The following NTM variants were observed in gnomAD, a reference collection of about 807,000 sequenced individuals.
NTM encodes neurotrimin.
NTM carries 13 observed loss-of-function variants against 42.1 expected under a neutral mutation model. The observed-to-expected ratio is 0.31, with a 90% CI of 0.20 to 0.49. The LOEUF (loss-of-function observed/expected upper bound fraction) is 0.49. Among genes scored for constraint, NTM ranks in the 20% least tolerant of loss-of-function variants. NTM has a pLI of 0.99. For synonymous variants in NTM, 187 were observed against 179.2 expected (o/e 1.04, Z -0.35); for missense variants, 373 against 452.8 (o/e 0.82, Z 1.60).
At chr11:131,480,020 T>C (rs1023320671) in intron 1 of NTM, among the ~76,000 whole-genome samples, 4 of 152,228 alleles carry the variant, frequency 2.6e-5, no homozygotes, top group Admixed American at 2.6e-4. Context: ...GACCTGGTAC[T>C]CTACTGATCC....
At chr11:132,220,256 T>C (rs1592308217) in intron 4 of NTM, among the ~76,000 whole-genome samples, 1 of 152,106 alleles carries the variant, frequency 6.6e-6, no homozygotes, top group East Asian at 1.9e-4. Context: ...GTCCAGGAAC[T>C]CCTTACATAA....
chr11:131,867,204 G>C (rs1168049313), intron 1 of NTM, among the ~76,000 whole-genome samples: 12 of 152,226 alleles, frequency 7.9e-5, no homozygotes, highest in Non-Finnish European at 1.8e-4. Context: ...GAAAGAATGT[G>C]GTCCCACTTA....
At chr11:132,058,799 C>T (rs552026291) in intron 2 of NTM, among the ~76,000 whole-genome samples, 1 of 152,170 alleles carries the variant, frequency 6.6e-6, no homozygotes, top group African/African-American at 2.4e-5. Context: ...GGGCCTGAAT[C>T]CTCTTGTTTG....
At chr11:131,932,807 A>G (rs1041854070) in intron 2 of NTM, among the ~76,000 whole-genome samples, 9 of 152,328 alleles carry the variant, frequency 5.9e-5, no homozygotes, top group African/African-American at 2.2e-4. Context: ...GCTGGTTGGA[A>G]CAGCCGATCC....
At chr11:132,246,607 G>T (rs542401229) in intron 4 of NTM, among the ~76,000 whole-genome samples, 184 of 152,310 alleles carry the variant, frequency 1.2e-3, no homozygotes, top group Admixed American at 2.5e-3. Flanking sequence ...ATAATTTTGT[G>T]TTTCTGAAAC....
At chr11:132,135,166 T>A (rs2067653397) in intron 2 of NTM, among the ~76,000 whole-genome samples, 1 of 152,096 alleles carries the variant, frequency 6.6e-6, no homozygotes, top group Non-Finnish European at 1.5e-5. Flanking sequence ...CAAGGTCTCT[T>A]AGGCCAGGGC....
intron 4 of NTM, among the ~76,000 whole-genome samples, chr11:132,249,058 T>C (rs963675097): frequency 2.0e-5 from 3 of 152,192 alleles, no homozygotes; most frequent in African/African-American, 7.2e-5. Flanking sequence ...ACACTTCCTG[T>C]CTCTGTGACA....
chr11:131,373,240 G>T (rs1317547974), intron 1 of NTM, among the ~76,000 whole-genome samples: 1 of 152,184 alleles, frequency 6.6e-6, no homozygotes, highest in Non-Finnish European at 1.5e-5. Flanking sequence ...CCCAGGTCTT[G>T]CCTGCAATAA....
intron 2 of NTM, among the ~76,000 whole-genome samples, chr11:132,024,658 A>G (rs899458963): frequency 1.3e-5 from 2 of 152,176 alleles, no homozygotes; most frequent in African/African-American, 4.8e-5. Context: ...GGGATAAAGT[A>G]CACCTCAGAT....
intron 2 of NTM, among the ~76,000 whole-genome samples, chr11:132,112,195 G>T (rs1194302346): frequency 1.5e-5 from 2 of 134,850 alleles, no homozygotes; most frequent in Non-Finnish European, 3.2e-5. Context: ...GTGTTATGCA[G>T]ATTGGAGCAT....
intron 1 of NTM, among the ~76,000 whole-genome samples, chr11:131,550,527 C>G (rs1428667742): frequency 1.3e-5 from 2 of 152,080 alleles, no homozygotes; most frequent in African/African-American, 4.8e-5. Context: ...CTCTCTCTTC[C>G]TCCTGCTCTG....
chr11:131,982,730 T>C (rs2065449103), intron 2 of NTM, among the ~76,000 whole-genome samples: 1 of 152,240 alleles, frequency 6.6e-6, no homozygotes, highest in Non-Finnish European at 1.5e-5. Context: ...CATAAAGGAC[T>C]CAGGCTGTGG....
At chr11:131,475,207 T>C (rs1018546065) in intron 1 of NTM, among the ~76,000 whole-genome samples, 1 of 152,202 alleles carries the variant, frequency 6.6e-6, no homozygotes, top group African/African-American at 2.4e-5. Flanking sequence ...GCCCAACCTT[T>C]TAAGCAGACA....
intron 1 of NTM, among the ~76,000 whole-genome samples, chr11:131,429,198 C>T (rs1948450985): frequency 6.6e-6 from 1 of 152,154 alleles, no homozygotes; most frequent in Non-Finnish European, 1.5e-5. Context: ...GACAAGAAAA[C>T]TGAAAATGAA....
intron 1 of NTM, among the ~76,000 whole-genome samples, chr11:131,454,635 C>T (rs1268697732): frequency 2.6e-5 from 4 of 152,090 alleles, no homozygotes; most frequent in East Asian, 1.9e-4. Flanking sequence ...ACAAAGCACA[C>T]GTTTGCCGGT....
At chr11:132,101,158 G>A (rs1031561900) in intron 2 of NTM, among the ~76,000 whole-genome samples, 1 of 152,054 alleles carries the variant, frequency 6.6e-6, no homozygotes. Context: ...TACCTCTATG[G>A]ACTTGAGTGG....
chr11:132,283,748 G>A (rs1440904728), intron 4 of NTM, among the ~76,000 whole-genome samples: 1 of 152,136 alleles, frequency 6.6e-6, no homozygotes, highest in Non-Finnish European at 1.5e-5. Flanking sequence ...TAGCGAAGAG[G>A]GATAGGAGGG....
chr11:131,789,659 A>G (rs540181816), intron 1 of NTM, among the ~76,000 whole-genome samples: 26 of 138,616 alleles, frequency 1.9e-4, no homozygotes, highest in African/African-American at 6.4e-4. Context: ...AAGAAGAAGA[A>G]GAAGAAGAAA....
At chr11:132,143,575 A>G (rs1341132604) in intron 2 of NTM, among the ~76,000 whole-genome samples, 2 of 152,214 alleles carry the variant, frequency 1.3e-5, no homozygotes, top group South Asian at 2.1e-4. Flanking sequence ...AGTGAACCCA[A>G]CCAAGTTTGT....
Sources: allele counts gnomAD v4.1 joint callset (sites outside exome capture counted in the v4.1 genomes callset), GRCh38; gene constraint gnomAD v4.1.1; transcripts MANE v1.5; gene names NCBI Gene and HGNC (gene_info 2026-07-23, HGNC 2026-07-21).